NBEA: variants seen among roughly 807,000 people sequenced by gnomAD.
NBEA encodes lysosomal-trafficking regulator 2.
A neutral mutation model predicts 343.4 loss-of-function variants in NBEA; 44 were observed. The ratio of observed to expected loss-of-function variants is 0.13; its 90% CI spans 0.10 to 0.16. The LOEUF is 0.16. Ranked by LOEUF, NBEA falls within the 10% of genes least tolerant of loss-of-function variation. The pLI, the probability that NBEA is intolerant of heterozygous loss-of-function variation, is 1.00. For missense variants in NBEA, 2,555 were observed against 3,631.3 expected (o/e 0.70, Z 7.62); for synonymous variants, 1,175 against 1,238.7 (o/e 0.95, Z 1.08).
intron 17 of NBEA, among the ~76,000 whole-genome samples, chr13:35,141,354 C>T (rs1193030387): frequency 2.0e-5 from 3 of 152,150 alleles, no homozygotes; most frequent in Non-Finnish European, 2.9e-5. Context: ...GCAACCTCCA[C>T]CTCCCAGGTT....
chr13:35,416,237 G>A (rs987599972), intron 38 of NBEA, among the ~76,000 whole-genome samples: 1 of 152,116 alleles, frequency 6.6e-6, no homozygotes, highest in South Asian at 2.1e-4. Context: ...TCTTTCTCTT[G>A]CCTGATTGCC....
At chr13:35,173,649 T>C (rs1186702694) in intron 27 of NBEA, 55 bp downstream of exon 27, 22 of 1,540,824 alleles carry the variant, frequency 1.4e-5, no homozygotes, top group Non-Finnish European at 1.9e-5. Flanking sequence ...AAATCTTTTT[T>C]AAGTTGATGA....
At chr13:35,507,197 C>T (rs1743153800) in intron 41 of NBEA, among the ~76,000 whole-genome samples, 1 of 152,118 alleles carries the variant, frequency 6.6e-6, no homozygotes. Flanking sequence ...TTCCAGGATG[C>T]CCTACTCCTG....
intron 38 of NBEA, among the ~76,000 whole-genome samples, chr13:35,424,097 C>T (rs2044484577): frequency 6.6e-6 from 1 of 152,222 alleles, no homozygotes; most frequent in African/African-American, 2.4e-5. Flanking sequence ...CATCTACAAA[C>T]AGGGACAATT....
At chr13:35,216,890 T>A (rs2074095127) in intron 33 of NBEA, among the ~76,000 whole-genome samples, 1 of 151,972 alleles carries the variant, frequency 6.6e-6, no homozygotes, top group Admixed American at 6.6e-5. Context: ...GAACATACAT[T>A]TTTGTTTCTC....
At chr13:35,427,214 T>A (rs1366814337) in intron 38 of NBEA, among the ~76,000 whole-genome samples, 1 of 152,178 alleles carries the variant, frequency 6.6e-6, no homozygotes, top group African/African-American at 2.4e-5. Flanking sequence ...GCACTCTGAT[T>A]TTTAGAGTTT....
intron 33 of NBEA, among the ~76,000 whole-genome samples, chr13:35,215,393 T>G (rs1237374769): frequency 1.3e-5 from 2 of 151,700 alleles, no homozygotes; most frequent in Non-Finnish European, 3.0e-5. Flanking sequence ...TTTCATGTGT[T>G]TGATGATATT....
chr13:35,085,533 A>G (rs1444470529), intron 10 of NBEA, among the ~76,000 whole-genome samples: 1 of 151,964 alleles, frequency 6.6e-6, no homozygotes, highest in African/African-American at 2.4e-5. Context: ...AAATTCAACA[A>G]CCTTCATGCT....
chr13:34,990,191 G>A (rs1018828607), intron 1 of NBEA, among the ~76,000 whole-genome samples: 1 of 150,934 alleles, frequency 6.6e-6, no homozygotes, highest in Admixed American at 6.6e-5. Context: ...GAGGATGGTG[G>A]CTTTTTTCTC....
chr13:35,267,971 T>A (rs553173013), intron 34 of NBEA, among the ~76,000 whole-genome samples: 1 of 152,164 alleles, frequency 6.6e-6, no homozygotes, highest in East Asian at 1.9e-4. Context: ...ATTAAAAATA[T>A]AATTACCATG....
intron 47 of NBEA, among the ~76,000 whole-genome samples, chr13:35,599,099 T>A (rs1206879568): frequency 1.3e-5 from 2 of 152,160 alleles, no homozygotes; most frequent in Non-Finnish European, 2.9e-5. Context: ...AAGACGATGT[T>A]AATTTTCCAC....
chr13:35,583,823 T>G, intron 45 of NBEA, 75 bp from the exon 46 acceptor site: 1 of 1,091,194 alleles, frequency 9.2e-7, no homozygotes, highest in Non-Finnish European at 1.3e-6. Context: ...AGTGAAATAC[T>G]GAAAGTATAA....
At chr13:35,583,299 C>G (rs1248442930) in intron 45 of NBEA, among the ~76,000 whole-genome samples, 1 of 152,124 alleles carries the variant, frequency 6.6e-6, no homozygotes, top group Non-Finnish European at 1.5e-5. Flanking sequence ...TCTTAGTGGC[C>G]TCAGCAAAAT....
chr13:35,132,554 G>C (rs1469883791), intron 17 of NBEA, among the ~76,000 whole-genome samples: 1 of 152,142 alleles, frequency 6.6e-6, no homozygotes, highest in Non-Finnish European at 1.5e-5. Flanking sequence ...CTATACAATG[G>C]AATACTATTG....
chr13:35,589,562 AAGAAC>A (rs1250639954), intron 46 of NBEA, among the ~76,000 whole-genome samples: 76 of 152,262 alleles, frequency 5.0e-4, no homozygotes, highest in African/African-American at 1.8e-3. Flanking sequence ...GAAGGAAAAG[AAGAAC>A]AGAACAGAAC....
chr13:35,028,463 A>G (rs2062089232), intron 1 of NBEA, among the ~76,000 whole-genome samples: 1 of 151,832 alleles, frequency 6.6e-6, no homozygotes, highest in African/African-American at 2.4e-5. Flanking sequence ...CCCTGATAGT[A>G]TATAGAAATA....
chr13:35,264,719 C>T (rs2152800465), intron 34 of NBEA, among the ~76,000 whole-genome samples: 1 of 151,974 alleles, frequency 6.6e-6, no homozygotes, highest in Non-Finnish European at 1.5e-5. Flanking sequence ...TAGAAAGTCT[C>T]TACAACTTCA....
chr13:35,154,536 C>CA (rs2069021046), intron 18 of NBEA, among the ~76,000 whole-genome samples: 1 of 152,126 alleles, frequency 6.6e-6, no homozygotes, highest in African/African-American at 2.4e-5. Flanking sequence ...ATACAGTGAG[C>CA]AGTTGTACAT....
At chr13:35,196,891 C>A (rs2152742479) in intron 31 of NBEA, among the ~76,000 whole-genome samples, 1 of 152,118 alleles carries the variant, frequency 6.6e-6, no homozygotes, top group African/African-American at 2.4e-5. Context: ...GGTATTTTGG[C>A]ATTTTAGGTA....
Sources: allele counts gnomAD v4.1 joint callset (sites outside exome capture counted in the v4.1 genomes callset), GRCh38; gene constraint gnomAD v4.1.1; transcripts MANE v1.5; gene names NCBI Gene and HGNC (gene_info 2026-07-23, HGNC 2026-07-21).